The following MEF2C variants were observed in gnomAD, a reference collection of about 807,000 sequenced individuals.
MEF2C encodes the protein myocyte enhancer factor 2C.
In MEF2C, 6 loss-of-function variants were observed where a neutral mutation model predicts 50.5. That is an observed-to-expected ratio of 0.12 (90% CI 0.07 to 0.23). The LOEUF is 0.23. MEF2C is among the 10% of genes least tolerant of loss of function. The pLI is 1.00. For synonymous variants in MEF2C, 183 were observed against 228.0 expected, an observed-to-expected ratio of 0.80 and a Z score of 1.78; for missense variants, 276 against 605.0, an observed-to-expected ratio of 0.46 and a Z score of 5.70.
intron 6 of MEF2C, chr5:88,735,005 A>G: frequency 3.0e-6 from 3 of 985,398 alleles, no homozygotes; most frequent in Non-Finnish European, 3.6e-6. Context: ...TTGGAGCCGT[A>G]TAATAACCAT....
intron 6 of MEF2C, chr5:88,742,523 A>G: frequency 2.0e-6 from 2 of 980,348 alleles, no homozygotes; most frequent in Non-Finnish European, 2.4e-6. Context: ...GATAGAGAAT[A>G]AAAAGGATAC....
intron 1 of MEF2C, among the ~76,000 whole-genome samples, chr5:88,898,010 A>G (rs1356247445): frequency 6.6e-6 from 1 of 152,130 alleles, no homozygotes; most frequent in African/African-American, 2.4e-5. Flanking sequence ...TGGTTCTTCC[A>G]TAGCACTTAT....
In MEF2C at chr5:88,853,182, C is replaced by T. The variant is rs76571045; in HGVS notation, c.-142-29252G>A. 6.8e-3 allele frequency among the ~76,000 whole-genome samples: 1,040 copies of T among 152,210 alleles called. 15 individuals carry two copies. Among genetic ancestry groups the T allele is most frequent in the African/African-American group, 0.024 (998 of 41,510 alleles). On this transcript the variant is annotated intron_variant, in intron 1 of 10. Coordinates refer to ENST00000504921, the MANE Select transcript of MEF2C (RefSeq NM_002397.5). Reference sequence around the variant, plus strand: ...AAGGCTGCAGTGAGCTAGGATAGCACCATTGTACTCCAGCCTGAGCGATGG... The same window carrying T: ...AAGGCTGCAGTGAGCTAGGATAGCATCATTGTACTCCAGCCTGAGCGATGG...
chr5:88,747,441 C>T (rs1770387717), intron 6 of MEF2C, among the ~76,000 whole-genome samples: 1 of 36,490 alleles, frequency 2.7e-5, no homozygotes, highest in Admixed American at 2.5e-4. Flanking sequence ...CTCTGCCTCC[C>T]GGGTTCACGC....
At chr5:88,767,667 T>G (rs1780621512) in intron 3 of MEF2C, among the ~76,000 whole-genome samples, 1 of 152,232 alleles carries the variant, frequency 6.6e-6, no homozygotes, top group Admixed American at 6.5e-5. Flanking sequence ...ATTGTCATTG[T>G]TTTTATTTTT....
chr5:88,886,592 A>T (rs1834071766), upstream of MEF2C, among the ~76,000 whole-genome samples: 1 of 152,244 alleles, frequency 6.6e-6, no homozygotes, highest in African/African-American at 2.4e-5. Context: ...GGTAGGGTCT[A>T]TCCAGTTAAA....
chr5:88,809,281 T>G (rs1801799275), intron 2 of MEF2C, among the ~76,000 whole-genome samples: 1 of 152,100 alleles, frequency 6.6e-6, no homozygotes, highest in Non-Finnish European at 1.5e-5. Context: ...GAAACATTCA[T>G]TAAATATAGC....
At chr5:88,850,183 G>A (rs566045841) in intron 1 of MEF2C, among the ~76,000 whole-genome samples, 275 of 151,892 alleles carry the variant, frequency 1.8e-3, no homozygotes, top group Non-Finnish European at 3.2e-3. Flanking sequence ...AGAACATGCA[G>A]TGTTTGGTTT....
At chr5:88,877,937 C>G (rs571869732) in intron 1 of MEF2C, 2 of 151,956 alleles carry the variant, frequency 1.3e-5, no homozygotes, top group East Asian at 1.9e-4. Context: ...TATTCACTTA[C>G]GTACTGCATA....
At chr5:88,728,871 T>C (rs1760126525) in intron 9 of MEF2C, among the ~76,000 whole-genome samples, 1 of 152,134 alleles carries the variant, frequency 6.6e-6, no homozygotes, top group African/African-American at 2.4e-5. Flanking sequence ...GCAATTCTAG[T>C]TTATTAGAAC....
intron 2 of MEF2C, among the ~76,000 whole-genome samples, chr5:88,816,976 C>A (rs1460923586): frequency 6.6e-6 from 1 of 151,730 alleles, no homozygotes; most frequent in Non-Finnish European, 1.5e-5. Context: ...AAGTATAATT[C>A]TTCTACAGTA....
At chr5:88,822,438 C>G (rs1182200456) in intron 2 of MEF2C, among the ~76,000 whole-genome samples, 1 of 151,870 alleles carries the variant, frequency 6.6e-6, no homozygotes, top group Admixed American at 6.6e-5. Flanking sequence ...TAAAGGAATC[C>G]ACCATAAATC....
chr5:88,891,490 C>A (rs1024477049), intron 1 of MEF2C, among the ~76,000 whole-genome samples: 1 of 149,090 alleles, frequency 6.7e-6, no homozygotes, highest in Admixed American at 6.8e-5. Context: ...GAAAGCTCCA[C>A]CTCCTGGGTT....
At chr5:88,746,456 TA>T (rs753546111) in intron 6 of MEF2C, 25,465 of 329,208 alleles carry the variant, frequency 0.077, 82 homozygotes, top group Non-Finnish European at 0.089. Flanking sequence ...TTTTTTTTTT[TA>T]ACAAAGTGAG....
At chr5:88,752,154 T>C in intron 4 of MEF2C, 111 bp from the exon 5 acceptor site, 1 of 990,238 alleles carries the variant, frequency 1.0e-6, no homozygotes, top group South Asian at 2.0e-5. Context: ...CCAAACTACT[T>C]TGTGTCTAGA....
chr5:88,867,882 G>T (rs1827925735), intron 1 of MEF2C, among the ~76,000 whole-genome samples: 1 of 152,200 alleles, frequency 6.6e-6, no homozygotes, highest in South Asian at 2.1e-4. Flanking sequence ...GCTGAGTGGA[G>T]AGCCTTCTGG....
chr5:88,734,407 A>G, intron 6 of MEF2C: 2 of 984,978 alleles, frequency 2.0e-6, no homozygotes, highest in Non-Finnish European at 2.4e-6. Context: ...AGAAACTAAA[A>G]CCCCAGCTCG....
chr5:88,858,800 A>T (rs546382665), intron 1 of MEF2C, among the ~76,000 whole-genome samples: 5 of 152,328 alleles, frequency 3.3e-5, no homozygotes, highest in African/African-American at 1.2e-4. Flanking sequence ...GCTATTTTTA[A>T]AAAAAACATA....
chr5:88,902,716 TAA>T (rs1835792563), intron 1 of MEF2C, among the ~76,000 whole-genome samples: 3 of 151,922 alleles, frequency 2.0e-5, no homozygotes, highest in African/African-American at 4.8e-5. Context: ...ATCATCAGAA[TAA>T]AACAATTGCC....
Sources: allele counts gnomAD v4.1 joint callset (sites outside exome capture counted in the v4.1 genomes callset), GRCh38; gene constraint gnomAD v4.1.1; transcripts MANE v1.5; gene names NCBI Gene and HGNC (gene_info 2026-07-23, HGNC 2026-07-21).